POLE: variants seen among roughly 807,000 people sequenced by gnomAD.
The protein encoded by POLE is DNA polymerase epsilon catalytic subunit A.
Under a neutral mutation model 279.2 loss-of-function variants are expected in POLE, and 188 were observed. The ratio of observed to expected loss-of-function variants is 0.67; its 90% CI spans 0.60 to 0.76. The LOEUF is 0.76. Ranked by LOEUF, POLE falls within the 30% of genes least tolerant of loss-of-function variation. POLE has a pLI of 0.00. For synonymous variants in POLE, 1,214 were observed against 1,172.5 expected, an observed-to-expected ratio of 1.04 and a Z score of -0.72; for missense variants, 2,703 against 3,016.7, an observed-to-expected ratio of 0.90 and a Z score of 2.44.
intron 45 of POLE, among the ~76,000 whole-genome samples, chr12:132,627,901 G>A (rs2041866956): frequency 6.6e-6 from 1 of 152,218 alleles, no homozygotes; most frequent in African/African-American, 2.4e-5. Flanking sequence ...TCTGTAGCAT[G>A]TGATGCTGTT....
At chr12:132,669,921 A>G (rs900939366) in intron 16 of POLE, among the ~76,000 whole-genome samples, 1 of 152,158 alleles carries the variant, frequency 6.6e-6, no homozygotes, top group Non-Finnish European at 1.5e-5. Context: ...GGACAATGTC[A>G]TCTACAGAGC....
At position 132,632,655 on chromosome 12, in the gene POLE, A is replaced by G. The variant is rs2041957175; in HGVS notation, c.6136+9T>C. 1 of 1,613,882 alleles carries G rather than the reference A, an allele frequency of 6.2e-7. No individual in the cohort carries two copies. Among genetic ancestry groups the G allele is most frequent in the Non-Finnish European group, 8.5e-7 (1 of 1,179,946 alleles). On this transcript the variant is annotated intron_variant, in intron 44 of 48. Transcript: ENST00000320574. ...TGGCAGTGGCCTCAAAAGACAAAAGACTGCTCACCGGGAAGGGCTCCGACC... is the reference window on the plus strand; with the variant it reads ...TGGCAGTGGCCTCAAAAGACAAAAGGCTGCTCACCGGGAAGGGCTCCGACC...
intron 26 of POLE, among the ~76,000 whole-genome samples, chr12:132,659,052 A>G (rs1056280527): frequency 6.6e-6 from 1 of 152,162 alleles, no homozygotes; most frequent in African/African-American, 2.4e-5. Flanking sequence ...GAACTCTGGT[A>G]TAGTGTATCT....
In POLE at chr12:132,675,308, A is replaced by G. The variant is rs1478884636; in HGVS notation, c.1226+90T>C. ...GCCTCTCGGAGGCCACCCTCCTCCC[A>G]TGAGATGTGGTGACAGCACAGTCTG... is the stretch of plus-strand genomic sequence containing the variant. On this transcript the variant is annotated intron_variant, in intron 12 of 48. Coordinates refer to ENST00000320574, the MANE Select transcript of POLE (RefSeq NM_006231.4). The surrounding 1 kb of genome is among the most constrained non-coding windows in gnomAD (Gnocchi z 4.3). 4.0e-6 allele frequency: 6 copies of G among 1,510,808 alleles called. No homozygotes were observed. The highest frequency in any genetic ancestry group is 4.5e-6 in the Non-Finnish European group (5 of 1,119,086). The allele number at this position is 1,510,808 out of a possible 1,614,324, so 93.6% of individuals were successfully genotyped here. A position where few individuals can be genotyped will look rare whatever the true frequency, so the allele number is the denominator to read the frequency against.
chr12:132,681,338 T>C, intron 1 of POLE, 59 bp from the exon 2 acceptor site: 3 of 1,522,914 alleles, frequency 2.0e-6, no homozygotes, highest in Non-Finnish European at 2.7e-6. Context: ...GCTGCTTCTT[T>C]TTTTCTTTTT....
Position 132,677,689 on chromosome 12 carries a change from A to G in POLE, c.609T>C (p.Asp203=), listed in dbSNP as rs1057522410. 49 of 1,614,044 alleles carry G rather than the reference A, an allele frequency of 3.0e-5. No individual in the cohort carries two copies. The Admixed American group carries it at 6.3e-4, about 21-fold the overall frequency. ...CTATCTTCTTAGAGGTTTCCTCTTC[A>G]TCAGTAATGACACCGCCCCTCTGCA... The part of the protein sequence containing the change: ...SVLQRGGVIT[D]EEETSKKIAD... The change falls in exon 7 of 49, where the codon GAT becomes GAC. Residue 203 remains aspartate, a synonymous_variant. Transcript: ENST00000320574.
At chr12:132,667,427 G>T in intron 20 of POLE, 76 bp downstream of exon 20, 1 of 1,489,684 alleles carries the variant, frequency 6.7e-7, no homozygotes, top group Non-Finnish European at 9.3e-7. Context: ...CAGGCAAGGA[G>T]CCAAGAGTGC....
At chr12:132,673,765 C>T (rs967102643) in intron 12 of POLE, 58 bp from the exon 13 acceptor site, 19 of 1,601,380 alleles carry the variant, frequency 1.2e-5, no homozygotes, top group Non-Finnish European at 1.5e-5. Context: ...CCGGGAACCC[C>T]TGAGAACTGG....
At position 132,657,907 on chromosome 12, in the gene POLE, C is replaced by T. The variant is rs757377081; in HGVS notation, c.3339G>A (p.Trp1113Ter). 6.2e-6 allele frequency: 10 copies of T among 1,613,886 alleles called. No homozygotes were observed. In the South Asian group the frequency reaches 1.1e-4, roughly 18 times the overall value. Residue 1113 changes from tryptophan to a stop codon, truncating the protein, a stop_gained, in exon 27 of 49, where the codon TGG becomes TGA. Transcript: ENST00000320574. LOFTEE classifies it high-confidence loss of function. ...PTVRKHFLRKWLKSSSLQDFD... is the reference protein window; with the variant it reads ...PTVRKHFLRK Reference sequence around the variant, plus strand: ...AGTCTTGAAGGGAAGAGCTCTTGAGCCATTTCCGGAGAAAGTGCTTCCTCA... The same window carrying T: ...AGTCTTGAAGGGAAGAGCTCTTGAGTCATTTCCGGAGAAAGTGCTTCCTCA...
chr12:132,658,107 A>C (rs2042587852), intron 26 of POLE, 137 bp from the exon 27 acceptor site: 1 of 630,746 alleles, frequency 1.6e-6, no homozygotes, highest in South Asian at 1.8e-5. Context: ...ATCTGCGTGC[A>C]TATGTATGCA....
At position 132,668,452 on chromosome 12, in the gene POLE, C is replaced by CT; in HGVS notation, c.2076dup (p.Glu693ArgfsTer17). 6.2e-7 allele frequency: 1 copy of CT among 1,612,198 alleles called. No individual in the cohort carries two copies. The highest frequency in any genetic ancestry group is 8.5e-7 in the Non-Finnish European group (1 of 1,178,932). ...TCTGGGAACAAGGGGGGGAACTTCT[C>CT]TGACTCCAGCTGGTGCTGGATCCGA... On this transcript the variant is annotated frameshift_variant, in exon 19 of 49. Transcript: ENST00000320574. LOFTEE classifies it high-confidence loss of function. The surrounding 1 kb of genome is among the most constrained non-coding windows in gnomAD (Gnocchi z 4.0).
At chr12:132,636,441 GAAAA>G (rs60289510) in intron 41 of POLE, among the ~76,000 whole-genome samples, 96 of 44,464 alleles carry the variant, frequency 2.2e-3, no homozygotes, top group African/African-American at 9.4e-3. Flanking sequence ...TCCATTTAAG[GAAAA>G]AAAAAAAAAA....
rs5744822 is a variant in POLE at position 132,665,430 on chromosome 12, C to T, written c.2340G>A (p.Ser780=). ...GLHKVWKKKL[S]AAVEVGDAAE... is the part of the protein sequence containing the mutation. ...CCGCGTCGCCCACCTCCACGGCCGCCGAGAGCTTCTTTTTCCACACCTGAG... is the reference window on the plus strand; with the variant it reads ...CCGCGTCGCCCACCTCCACGGCCGCTGAGAGCTTCTTTTTCCACACCTGAG... Residue 780 remains serine (S), a synonymous_variant, in exon 21 of 49, where the codon TCG becomes TCA. Transcript: ENST00000320574. 0.023 allele frequency: 37,242 copies of T among 1,611,578 alleles called. 531 individuals are homozygous for T. The highest frequency in any genetic ancestry group is 0.029 in the East Asian group (1,297 of 44,878).
intron 16 of POLE, among the ~76,000 whole-genome samples, chr12:132,670,594 T>G (rs1243442162): frequency 2.0e-5 from 3 of 149,272 alleles, no homozygotes; most frequent in Non-Finnish European, 4.5e-5. Flanking sequence ...GGGTTCTTGC[T>G]ATTCTCCTGC....
In POLE at chr12:132,626,488, G is replaced by C. The variant is rs557848051; in HGVS notation, c.6331-171C>G. On this transcript the variant is annotated intron_variant, in intron 45 of 48. Coordinates refer to ENST00000320574, the MANE Select transcript of POLE (RefSeq NM_006231.4). ...TCTCTACATTAGCAGTTTTCCATCG[G>C]TGAGGACAGGCTTCCCTGGGGAATT... 7.2e-5 allele frequency among the ~76,000 whole-genome samples: 11 copies of C among 152,280 alleles called. No individual in the cohort carries two copies. The East Asian group carries it at 2.1e-3, about 29-fold the overall frequency.
rs760235113 is a variant in POLE, at chr12:132,641,761, C to G, written c.5264G>C (p.Gly1755Ala). Residue 1755 changes from glycine to alanine, a missense_variant, in exon 39 of 49, where the codon GGG (glycine) becomes GCG (alanine). By Grantham distance (60) the Gly-to-Ala change is moderately conservative (BLOSUM62 0). Around this residue, in one of 5 missense-constraint regions of POLE, gnomAD observed 1,551 missense variants for 1,686.1 expected, o/e 0.92. Coordinates refer to ENST00000320574, the MANE Select transcript of POLE (RefSeq NM_006231.4). ...CTGCTGGATCACGTCGAAGCTGATC[C>G]CCATGCTGTCGGCCCCCTCCATGTC... ...VNDMEGADSM[G>A]ISFDVIQQAS... 3 of 1,610,880 alleles carry G rather than the reference C, an allele frequency of 1.9e-6. No individual in the cohort carries two copies. In the South Asian group the frequency reaches 3.3e-5, roughly 18 times the overall value.
chr12:132,657,280 CAG>C (rs757106241), intron 28 of POLE, 22 bp from the exon 29 acceptor site: 2 of 1,614,080 alleles, frequency 1.2e-6, no homozygotes, highest in Non-Finnish European at 8.5e-7. Flanking sequence ...CAACACCCAT[CAG>C]AGAGAGACCC....
rs770036124 is a variant in POLE, at chr12:132,649,446, G to T, written c.3865C>A (p.Arg1289Ser). 6.2e-7 allele frequency: 1 copy of T among 1,612,612 alleles called. No homozygotes were observed. The highest frequency in any genetic ancestry group is 8.5e-7 in the Non-Finnish European group (1 of 1,179,996). Residue 1289 changes from arginine to serine, a missense_variant, in exon 31 of 49, where the codon CGC (arginine) becomes AGC (serine). By Grantham distance (110) the Arg-to-Ser change is moderately radical (BLOSUM62 -1). Around this residue, in one of 5 missense-constraint regions of POLE, gnomAD observed 1,551 missense variants for 1,686.1 expected, o/e 0.92. Coordinates refer to ENST00000320574, the MANE Select transcript of POLE (RefSeq NM_006231.4). ...GACTCCAGACGCTGCCTCTTCCTGC[G>T]GGCGAGGCGCTGCCGGGCCTGCAGC... Reference protein sequence around the residue: ...WQLQARQRLARRKRQRLESAE... With the variant: ...WQLQARQRLASRKRQRLESAE...
At chr12:132,660,712 G>C in intron 25 of POLE, 1 of 314,446 alleles carries the variant, frequency 3.2e-6, no homozygotes, top group Non-Finnish European at 5.8e-6. Flanking sequence ...AAGTAGCTGG[G>C]ACCACAGGCA....
Sources: allele counts gnomAD v4.1 joint callset (sites outside exome capture counted in the v4.1 genomes callset), GRCh38; gene constraint gnomAD v4.1.1; regional missense constraint gnomAD v4.1.1; non-coding constraint Gnocchi (gnomAD v3.1); transcripts MANE v1.5; gene names NCBI Gene and HGNC (gene_info 2026-07-23, HGNC 2026-07-21).